XXYLT1: variants seen among roughly 807,000 people sequenced by gnomAD.
XXYLT1 encodes the protein xyloside xylosyltransferase 1, also known as UDP-xylose:alpha-xyloside alpha-1,3-xylosyltransferase.
In XXYLT1, 20 loss-of-function variants were observed where a neutral mutation model predicts 28.9. The ratio of observed to expected loss-of-function variants is 0.69; its 90% CI spans 0.49 to 1.00. XXYLT1 has a LOEUF of 1.00. XXYLT1 is among the 50% of genes least tolerant of loss of function. The probability of loss-of-function intolerance (pLI) is 0.00; values close to 1 mark genes in which losing one functional copy is unlikely to be tolerated. For missense variants in XXYLT1, 542 were observed against 560.1 expected (o/e 0.97, Z 0.33); for synonymous variants, 257 against 253.8 (o/e 1.01, Z -0.12).
At chr3:195,088,099 G>C (rs1234761486) in intron 3 of XXYLT1, among the ~76,000 whole-genome samples, 12 of 151,914 alleles carry the variant, frequency 7.9e-5, no homozygotes, top group Admixed American at 7.9e-4. Flanking sequence ...GTGGCAGCGA[G>C]GCTGGGGGAG....
rs1378764835 is a variant in XXYLT1 at position 195,270,848 on chromosome 3, G to T, written c.211C>A (p.Leu71Met). ...GCCACGGAGCCCCGCGCTAGCTCCA[G>T]CGCGGGCGGCGAGGGCGCGGCGGGA... Reference protein sequence around the residue: ...GAPAAPSPPALELARGSVAPA... With the variant: ...GAPAAPSPPAMELARGSVAPA... Residue 71 changes from leucine (L) to methionine (M), a missense_variant, in exon 1 of 4, where the codon CTG becomes ATG. Transcript: ENST00000310380. 2.1e-6 allele frequency: 3 copies of T among 1,419,718 alleles called. No homozygotes were observed. Among genetic ancestry groups the T allele is most frequent in the East Asian group, 3.0e-5 (1 of 33,158 alleles). 87.9% of individuals were successfully genotyped at this position (1,419,718 alleles called of 1,614,324 possible). A position where few individuals can be genotyped will look rare whatever the true frequency, so the allele number is the denominator to read the frequency against.
chr3:195,161,593 C>A (rs1720873318), intron 2 of XXYLT1, among the ~76,000 whole-genome samples: 1 of 151,714 alleles, frequency 6.6e-6, no homozygotes, highest in Non-Finnish European at 1.5e-5. Context: ...CCTTGTATCA[C>A]CGAATCATCT....
rs756572133 is a variant in XXYLT1, at chr3:195,195,421, C to T, written c.652+31288G>A. On this transcript the variant is annotated intron_variant, in intron 2 of 3. Coordinates refer to ENST00000310380, the MANE Select transcript of XXYLT1 (RefSeq NM_152531.5). This position sits in a 1 kb window ranked among gnomAD's most constrained non-coding sequence, Gnocchi z 4.4. Reference sequence around the variant, plus strand: ...CCACCACGGATTCCTTCCTCAGAGTCGCTCAGGCGCCTAAGACTGTTCCAG... The same window carrying T: ...CCACCACGGATTCCTTCCTCAGAGTTGCTCAGGCGCCTAAGACTGTTCCAG... Among the ~76,000 whole-genome samples the T allele has an allele frequency of 1.3e-5, 2 of 152,210 alleles. No homozygotes were observed. The highest frequency in any genetic ancestry group is 2.9e-5 in the Non-Finnish European group (2 of 68,040).
chr3:195,126,098 T>C (rs1718605474), intron 3 of XXYLT1, among the ~76,000 whole-genome samples: 1 of 152,114 alleles, frequency 6.6e-6, no homozygotes, highest in Non-Finnish European at 1.5e-5. Context: ...TTTCAATTTC[T>C]GTTTACTGCA....
chr3:195,232,672 C>T (rs1247434543), intron 1 of XXYLT1, among the ~76,000 whole-genome samples: 1 of 152,050 alleles, frequency 6.6e-6, no homozygotes, highest in Admixed American at 6.6e-5. Flanking sequence ...GTTCAGTTTC[C>T]ATGTGTTTGT....
rs1719002984 is a variant in XXYLT1, at chr3:195,133,444, G to A, written c.785+23005C>T. 6.6e-6 allele frequency among the ~76,000 whole-genome samples: 1 copy of A among 152,098 alleles called. No individual in the cohort carries two copies. The highest frequency in any genetic ancestry group is 2.1e-4 in the South Asian group (1 of 4,832). On this transcript the variant is annotated intron_variant, in intron 3 of 3. Coordinates refer to ENST00000310380, the MANE Select transcript of XXYLT1 (RefSeq NM_152531.5). This position sits in a 1 kb window ranked among gnomAD's most constrained non-coding sequence, Gnocchi z 4.4. ...TCCAAGAGTTTCTGGAAGTTCTACA[G>A]GCAAATGTGATCAAAGACCTTCAGG...
chr3:195,074,352 G>A (rs1272241977), intron 3 of XXYLT1, among the ~76,000 whole-genome samples: 1 of 152,224 alleles, frequency 6.6e-6, no homozygotes, highest in Non-Finnish European at 1.5e-5. Context: ...AGCAGTCACT[G>A]AAGGGCCAGC....
intron 3 of XXYLT1, chr3:195,147,083 CT>C (rs1293020973): frequency 2.6e-5 from 4 of 153,744 alleles, no homozygotes; most frequent in Non-Finnish European, 5.9e-5. Context: ...GTCTATGTAT[CT>C]TGTCCATGGG....
intron 2 of XXYLT1, 46 bp downstream of exon 2, chr3:195,226,662 CA>C: frequency 6.3e-7 from 1 of 1,590,522 alleles, no homozygotes; most frequent in Middle Eastern, 1.7e-4. Flanking sequence ...GAAATGGATG[CA>C]AAAGTCAGAC....
Position 195,256,545 on chromosome 3 carries a change from G to A in XXYLT1, c.504+14010C>T. The A allele has an allele frequency of 1.0e-6, 1 of 985,384 alleles. No homozygotes were observed. The allele number at this position is 985,384 out of a possible 1,614,324, so 61.0% of individuals were successfully genotyped here. A position where few individuals can be genotyped will look rare whatever the true frequency, so the allele number is the denominator to read the frequency against. Reference sequence around the variant, plus strand: ...GGATTATCCCAGAAAGAGGGGAAGAGCAGCCTCCTCACACCCCGCAACTTC... The same window carrying A: ...GGATTATCCCAGAAAGAGGGGAAGAACAGCCTCCTCACACCCCGCAACTTC... On this transcript the variant is annotated intron_variant, in intron 1 of 3. Transcript: ENST00000310380. This position sits in a 1 kb window ranked among gnomAD's most constrained non-coding sequence, Gnocchi z 4.2.
intron 2 of XXYLT1, among the ~76,000 whole-genome samples, chr3:195,192,823 G>A (rs1326671564): frequency 2.6e-5 from 4 of 152,114 alleles, no homozygotes; most frequent in African/African-American, 9.7e-5. Context: ...AAAAGCATCA[G>A]ATTGGAAAGG....
rs1219650078 is a variant in XXYLT1 at position 195,129,105 on chromosome 3, G to C, written c.785+27344C>G. Among the ~76,000 whole-genome samples the C allele has an allele frequency of 6.6e-6, 1 of 152,152 alleles. No homozygotes were observed. The highest frequency in any genetic ancestry group is 1.5e-5 in the Non-Finnish European group (1 of 68,026). On this transcript the variant is annotated intron_variant, in intron 3 of 3. Transcript: ENST00000310380. The surrounding 1 kb of genome is among the most constrained non-coding windows in gnomAD (Gnocchi z 4.4). ...AGTACTTAATGCTTGTTCTACCCTG[G>C]AAAAAATATTGTGTGGGGGGAAGGT... is the stretch of plus-strand genomic sequence containing the variant.
At position 195,161,429 on chromosome 3, in the gene XXYLT1, C is replaced by G. The variant is rs527377549; in HGVS notation, c.653-4848G>C. ...GTGAAGATAGCAGACGACCCCAGAT[C>G]ATCTCTGTGCAGTGGCTGGGGCTTC... On this transcript the variant is annotated intron_variant, in intron 2 of 3. Transcript: ENST00000310380. Among the ~76,000 whole-genome samples, 11 of 152,238 alleles carry G rather than the reference C, an allele frequency of 7.2e-5. No homozygotes were observed. In the South Asian group the frequency reaches 2.3e-3, roughly 32 times the overall value.
At chr3:195,141,321 A>G (rs540252963) in intron 3 of XXYLT1, among the ~76,000 whole-genome samples, 2 of 152,356 alleles carry the variant, frequency 1.3e-5, no homozygotes, top group South Asian at 2.1e-4. Context: ...TGATAGGTCC[A>G]GATACACTGT....
At chr3:195,084,102 C>T (rs1221546876) in intron 3 of XXYLT1, among the ~76,000 whole-genome samples, 1 of 152,218 alleles carries the variant, frequency 6.6e-6, no homozygotes, top group Non-Finnish European at 1.5e-5. Context: ...AGCTCATCTC[C>T]TGTGCTTTCA....
At chr3:195,127,352 A>G (rs182343662) in intron 3 of XXYLT1, among the ~76,000 whole-genome samples, 2,925 of 152,226 alleles carry the variant, frequency 0.019, 97 homozygotes, top group African/African-American at 0.067. Context: ...GGTGCCATGG[A>G]CTTGCTAAAA....
At chr3:195,123,638 A>G (rs1264795893) in intron 3 of XXYLT1, among the ~76,000 whole-genome samples, 1 of 152,184 alleles carries the variant, frequency 6.6e-6, no homozygotes, top group Non-Finnish European at 1.5e-5. Flanking sequence ...TCGCCAGCTG[A>G]TGGTTCTGAG....
At position 195,176,556 on chromosome 3, in the gene XXYLT1, A is replaced by G. The variant is rs1366889435; in HGVS notation, c.653-19975T>C. Among the ~76,000 whole-genome samples the G allele has an allele frequency of 2.0e-5, 3 of 152,136 alleles. No homozygotes were observed. Among genetic ancestry groups the G allele is most frequent in the South Asian group, 2.1e-4 (1 of 4,828 alleles). ...TCAGTACGTTCCACCCCTCTGACACACTGGTATAATTTGATTAATTTATCG... is the reference window on the plus strand; with the variant it reads ...TCAGTACGTTCCACCCCTCTGACACGCTGGTATAATTTGATTAATTTATCG... On this transcript the variant is annotated intron_variant, in intron 2 of 3. Transcript: ENST00000310380. The surrounding 1 kb of genome is among the most constrained non-coding windows in gnomAD (Gnocchi z 4.9).
chr3:195,241,995 C>T (rs899135861), intron 1 of XXYLT1, among the ~76,000 whole-genome samples: 1 of 152,232 alleles, frequency 6.6e-6, no homozygotes, highest in Non-Finnish European at 1.5e-5. Flanking sequence ...GCCTGTAAGG[C>T]ACCATGAGGG....
Sources: gnomAD v4.1 joint callset for allele counts (sites outside exome capture counted in the v4.1 genomes callset) on GRCh38, gnomAD v4.1.1 for gene constraint, Gnocchi (gnomAD v3.1) non-coding constraint, MANE v1.5 for transcripts, NCBI Gene and HGNC (gene_info 2026-07-23, HGNC 2026-07-21) for gene names.